DACH1: variants seen among roughly 807,000 people sequenced by gnomAD.
The protein encoded by DACH1 is dachshund family transcription factor 1.
Under a neutral mutation model 54.2 loss-of-function variants are expected in DACH1, and 12 were observed. That is an observed-to-expected ratio of 0.22 (90% CI 0.14 to 0.36). The LOEUF is 0.36. Among genes scored for constraint, DACH1 ranks in the 10% least tolerant of loss-of-function variants. DACH1 has a pLI of 1.00. For synonymous variants in DACH1, 386 were observed against 366.2 expected, an observed-to-expected ratio of 1.05 and a Z score of -0.62; for missense variants, 805 against 929.8, an observed-to-expected ratio of 0.87 and a Z score of 1.75.
intron 1 of DACH1, among the ~76,000 whole-genome samples, chr13:71,745,534 T>A (rs2137959439): frequency 6.6e-6 from 1 of 152,342 alleles, no homozygotes; most frequent in South Asian, 2.1e-4. Flanking sequence ...AAACATAGCT[T>A]CACAGATTTC....
At chr13:71,638,507 A>G (rs555641666) in intron 2 of DACH1, among the ~76,000 whole-genome samples, 1 of 152,312 alleles carries the variant, frequency 6.6e-6, no homozygotes, top group South Asian at 2.1e-4. Context: ...ATGATACATC[A>G]TGGCAGTATT....
intron 10 of DACH1, among the ~76,000 whole-genome samples, chr13:71,445,886 A>C (rs1431924282): frequency 6.6e-6 from 1 of 152,190 alleles, no homozygotes; most frequent in Non-Finnish European, 1.5e-5. Context: ...TCTGTTAACA[A>C]ACCACCTGAA....
intron 2 of DACH1, among the ~76,000 whole-genome samples, chr13:71,647,500 G>T (rs532076603): frequency 4.6e-5 from 7 of 152,278 alleles, no homozygotes; most frequent in African/African-American, 1.7e-4. Flanking sequence ...AGAATTAGCT[G>T]ATTATGCTAT....
chr13:71,567,615 A>G (rs1884969510), intron 4 of DACH1, among the ~76,000 whole-genome samples: 1 of 151,992 alleles, frequency 6.6e-6, no homozygotes, highest in South Asian at 2.1e-4. Flanking sequence ...TTGGTATATA[A>G]AGACTTCCAA....
In DACH1 at chr13:71,681,864, G is replaced by A. The variant is rs369421581; in HGVS notation, c.895C>T (p.Pro299Ser). ...TGCGGCATGATGTGAGAGTTCTCTG[G>A]GGAGGTGACACTTTGAGTCCTCTTA... ...PPKRTQSVTS[P>S]ENSHIMPHSV... Residue 299 changes from proline to serine, a missense_variant, in exon 2 of 11, where the codon CCA (proline) becomes TCA (serine). This residue lies in a region of DACH1 where 472 missense variants were observed against 545.3 expected (regional missense o/e 0.87). Transcript: ENST00000613252. 1 of 1,613,904 alleles carries A rather than the reference G, an allele frequency of 6.2e-7. No homozygotes were observed. The highest frequency in any genetic ancestry group is 2.2e-5 in the East Asian group (1 of 44,864).
At chr13:71,660,750 T>C (rs931660783) in intron 2 of DACH1, among the ~76,000 whole-genome samples, 1 of 151,874 alleles carries the variant, frequency 6.6e-6, no homozygotes, top group Non-Finnish European at 1.5e-5. Flanking sequence ...TTATGTTAGA[T>C]TATGTTAGGA....
intron 2 of DACH1, among the ~76,000 whole-genome samples, chr13:71,678,253 T>C (rs998018265): frequency 6.6e-6 from 1 of 152,344 alleles, no homozygotes; most frequent in South Asian, 2.1e-4. Context: ...AAAGATGTTA[T>C]ATACTTCTTG....
At chr13:71,833,412 T>A (rs1888666870) in intron 1 of DACH1, among the ~76,000 whole-genome samples, 1 of 152,074 alleles carries the variant, frequency 6.6e-6, no homozygotes, top group African/African-American at 2.4e-5. Context: ...ACCTAATTTG[T>A]ACACATTACT....
intron 3 of DACH1, among the ~76,000 whole-genome samples, chr13:71,612,028 C>T (rs1441162450): frequency 4.6e-5 from 7 of 152,026 alleles, no homozygotes; most frequent in Admixed American, 1.3e-4. Flanking sequence ...AAGGATATAA[C>T]ATCACAAAAG....
intron 1 of DACH1, among the ~76,000 whole-genome samples, chr13:71,862,185 T>A (rs1874404306): frequency 6.6e-6 from 1 of 151,886 alleles, no homozygotes; most frequent in Non-Finnish European, 1.5e-5. Context: ...TGAGAAAAAA[T>A]TATCTTCTTA....
chr13:71,773,116 T>C (rs1184308912), intron 1 of DACH1, among the ~76,000 whole-genome samples: 1 of 151,838 alleles, frequency 6.6e-6, no homozygotes, highest in African/African-American at 2.4e-5. Flanking sequence ...ATAGATACTA[T>C]GTAATTCTTG....
At chr13:71,630,521 T>A (rs757351066) in intron 3 of DACH1, 35 bp downstream of exon 3, 2 of 1,528,208 alleles carry the variant, frequency 1.3e-6, no homozygotes, top group East Asian at 2.3e-5. Context: ...AGTAGCAAAG[T>A]GATCACAATA....
At chr13:71,567,451 T>G (rs1380471846) in intron 4 of DACH1, among the ~76,000 whole-genome samples, 1 of 151,370 alleles carries the variant, frequency 6.6e-6, no homozygotes, top group African/African-American at 2.4e-5. Context: ...CAAAAAAAAA[T>G]AGAAAGTCAG....
intron 1 of DACH1, among the ~76,000 whole-genome samples, chr13:71,836,799 C>T (rs1038744819): frequency 6.6e-6 from 1 of 152,048 alleles, no homozygotes; most frequent in African/African-American, 2.4e-5. Flanking sequence ...CTCTCTCACT[C>T]TGTCCTATTT....
chr13:71,507,724 C>T (rs1256282675), intron 6 of DACH1, among the ~76,000 whole-genome samples: 7 of 152,094 alleles, frequency 4.6e-5, no homozygotes, highest in African/African-American at 1.7e-4. Context: ...GAAAGATAAT[C>T]AGGACACAAT....
chr13:71,695,499 A>G (rs1881779927), intron 1 of DACH1, among the ~76,000 whole-genome samples: 1 of 152,234 alleles, frequency 6.6e-6, no homozygotes, highest in Non-Finnish European at 1.5e-5. Context: ...AAAAGCATTT[A>G]AGATGAGTCT....
rs773620324 is a variant in DACH1, at chr13:71,557,048, A to C, written c.1546T>G (p.Ser516Ala). 2.5e-6 allele frequency: 4 copies of C among 1,603,888 alleles called. No homozygotes were observed. The highest frequency in any genetic ancestry group is 2.6e-6 in the Non-Finnish European group (3 of 1,175,946). Residue 516 changes from serine to alanine, a missense_variant, in exon 6 of 11, where the codon TCA becomes GCA. By Grantham distance (99) the Ser-to-Ala change is moderately conservative (BLOSUM62 1). Transcript: ENST00000613252. ...DLAGHDMGHE[S>A]KRMHIEKDET... ...CCTTTTTCAATATGCATCCTTTTTG[A>C]CTCATGTCCCATGTCATGACCGGCC... is the stretch of plus-strand genomic sequence containing the variant.
chr13:71,823,241 C>T (rs1888260133), intron 1 of DACH1, among the ~76,000 whole-genome samples: 1 of 151,990 alleles, frequency 6.6e-6, no homozygotes, highest in Non-Finnish European at 1.5e-5. Flanking sequence ...TCTTTTGTTT[C>T]CGTTAAAAAT....
intron 1 of DACH1, among the ~76,000 whole-genome samples, chr13:71,788,696 C>T (rs1886708757): frequency 6.6e-6 from 1 of 152,004 alleles, no homozygotes; most frequent in Admixed American, 6.6e-5. Context: ...GACATTTGGG[C>T]AGACATGTGT....
Sources: gnomAD v4.1 joint callset for allele counts (sites outside exome capture counted in the v4.1 genomes callset) on GRCh38, gnomAD v4.1.1 for gene constraint, gnomAD v4.1.1 regional missense constraint, MANE v1.5 for transcripts, NCBI Gene and HGNC (gene_info 2026-07-23, HGNC 2026-07-21) for gene names.